DENND1B: variants seen among roughly 807,000 people sequenced by gnomAD.
DENND1B encodes the protein DENN domain containing 1B, also known as DENN domain-containing protein 1B.
In DENND1B, 59 loss-of-function variants were observed where a neutral mutation model predicts 90.1. The observed-to-expected ratio is 0.65, with a 90% CI of 0.53 to 0.81. The LOEUF (loss-of-function observed/expected upper bound fraction) is 0.81, where lower values mean the gene tolerates loss of function less well. Among genes scored for constraint, DENND1B ranks in the 40% least tolerant of loss-of-function variants. The pLI is 0.00. For synonymous variants in DENND1B, 337 were observed against 324.6 expected, an observed-to-expected ratio of 1.04 and a Z score of -0.41; for missense variants, 862 against 912.6, an observed-to-expected ratio of 0.94 and a Z score of 0.71.
chr1:197,614,733 C>G (rs988095971), intron 11 of DENND1B, among the ~76,000 whole-genome samples: 1 of 150,724 alleles, frequency 6.6e-6, no homozygotes, highest in Non-Finnish European at 1.5e-5. Context: ...CTAAAGAATA[C>G]AATTTTCCAT....
rs915587566 is a variant in DENND1B, at chr1:197,736,226, G to A, written c.83-21152C>T. 6 of 415,088 alleles carry A rather than the reference G, an allele frequency of 1.4e-5. No individual in the cohort carries two copies. The Admixed American group carries it at 2.4e-4, about 17-fold the overall frequency. The allele number at this position is 415,088 out of a possible 1,614,324, so 25.7% of individuals were successfully genotyped here. On this transcript the variant is annotated intron_variant, in intron 2 of 22. Coordinates refer to ENST00000620048, the MANE Select transcript of DENND1B (RefSeq NM_001195215.2). ...ATTTCAAGCTCAATTTTAAGCTGCAGATTCCAACTTTTATTGAACTTGAAT... is the reference window on the plus strand; with the variant it reads ...ATTTCAAGCTCAATTTTAAGCTGCAAATTCCAACTTTTATTGAACTTGAAT...
At chr1:197,548,358 T>G (rs1453814502) in intron 16 of DENND1B, among the ~76,000 whole-genome samples, 1 of 152,138 alleles carries the variant, frequency 6.6e-6, no homozygotes, top group African/African-American at 2.4e-5. Flanking sequence ...TCTATCTTTG[T>G]GAAGGATGTG....
chr1:197,662,925 A>G (rs946577042), intron 5 of DENND1B, among the ~76,000 whole-genome samples: 3 of 152,088 alleles, frequency 2.0e-5, no homozygotes, highest in Admixed American at 2.0e-4. Flanking sequence ...AAATTTCCCA[A>G]CAAATAAAGG....
chr1:197,543,381 AAT>A (rs1415171070), intron 18 of DENND1B, among the ~76,000 whole-genome samples: 2 of 152,214 alleles, frequency 1.3e-5, no homozygotes, highest in Non-Finnish European at 2.9e-5. Flanking sequence ...TTTTGTGAAA[AAT>A]ATGAGTGAAA....
At chr1:197,680,022 C>A (rs975966098) in intron 3 of DENND1B, among the ~76,000 whole-genome samples, 1 of 151,888 alleles carries the variant, frequency 6.6e-6, no homozygotes, top group East Asian at 1.9e-4. Flanking sequence ...TGGTGGCATG[C>A]ACCTATAGTC....
At chr1:197,691,684 T>C (rs1657906525) in intron 3 of DENND1B, among the ~76,000 whole-genome samples, 1 of 151,936 alleles carries the variant, frequency 6.6e-6, no homozygotes. Flanking sequence ...TTACTCAGAA[T>C]AGCAAAGATG....
At chr1:197,627,205 G>C (rs778533729) in intron 10 of DENND1B, among the ~76,000 whole-genome samples, 2 of 151,982 alleles carry the variant, frequency 1.3e-5, no homozygotes, top group Admixed American at 6.6e-5. Flanking sequence ...TGATACCAAA[G>C]CCGGGCAGAG....
intron 2 of DENND1B, among the ~76,000 whole-genome samples, chr1:197,763,251 T>C (rs576732681): frequency 2.1e-4 from 32 of 152,346 alleles, no homozygotes; most frequent in Non-Finnish European, 4.3e-4. Context: ...AAGGCTGCAG[T>C]GAGCTATAAT....
intron 2 of DENND1B, among the ~76,000 whole-genome samples, chr1:197,717,972 T>A (rs1325521674): frequency 1.3e-5 from 2 of 152,044 alleles, no homozygotes; most frequent in African/African-American, 4.8e-5. Context: ...TGGAAAAGTA[T>A]AATATACAAT....
At chr1:197,666,707 C>T (rs1654969476) in intron 5 of DENND1B, among the ~76,000 whole-genome samples, 1 of 152,184 alleles carries the variant, frequency 6.6e-6, no homozygotes, top group Admixed American at 6.5e-5. Context: ...CTCTCATATA[C>T]TTCTGGAAGC....
At chr1:197,738,431 A>G (rs1042505075) in intron 2 of DENND1B, among the ~76,000 whole-genome samples, 7 of 152,192 alleles carry the variant, frequency 4.6e-5, no homozygotes, top group African/African-American at 7.2e-5. Context: ...CAATTGGTGA[A>G]TGTGACCTCA....
In DENND1B at chr1:197,564,395, CAAAAAAAAAAAAA is replaced by C. The variant is rs71131780; in HGVS notation, c.1150-11296_1150-11284del. Among the ~76,000 whole-genome samples the C allele has an allele frequency of 9.5e-4, 60 of 63,176 alleles. No individual in the cohort carries two copies. The East Asian group carries it at 0.029, about 31-fold the overall frequency. The allele number at this position is 63,176 out of a possible 152,430, so 41.4% of individuals were successfully genotyped here. On this transcript the variant is annotated intron_variant, in intron 15 of 22. Transcript: ENST00000620048. ...ATACTGAGGCAAGAACCTCCACCAG[CAAAAAAAAAAAAA>C]AAAAAAAAAAAAGATGATTTGTTAA...
At chr1:197,585,707 A>G (rs991980588) in intron 14 of DENND1B, among the ~76,000 whole-genome samples, 1 of 152,240 alleles carries the variant, frequency 6.6e-6, no homozygotes, top group East Asian at 1.9e-4. Flanking sequence ...CAAAGCACTG[A>G]CACATCAGAA....
At chr1:197,721,065 ATTT>A (rs11371047) in intron 2 of DENND1B, among the ~76,000 whole-genome samples, 1 of 98,942 alleles carries the variant, frequency 1.0e-5, no homozygotes, top group Non-Finnish European at 1.9e-5. Flanking sequence ...GAGAAACGGC[ATTT>A]TTTTTTTTTT....
intron 2 of DENND1B, among the ~76,000 whole-genome samples, chr1:197,716,632 T>C (rs763467425): frequency 1.3e-5 from 2 of 151,864 alleles, no homozygotes; most frequent in Non-Finnish European, 2.9e-5. Flanking sequence ...TCATAAAATA[T>C]TAAATGAAAG....
chr1:197,583,231 T>G lies in DENND1B; in HGVS notation c.1070A>C (p.Glu357Ala). The change falls in exon 15 of 23, where the codon GAG becomes GCG. Residue 357 changes from glutamate (E) to alanine (A), a missense_variant. Physicochemically the swap from Glu to Ala is moderately radical, Grantham distance 107. Transcript: ENST00000620048. ...YKPGEPITFC[E>A]ESFVKHRSSV... ...TGAGCGGTGCTTTACAAAACTCTCC[T>G]CACAGAAAGTGATGGGCTCACCCTA... 1.9e-6 allele frequency: 3 copies of G among 1,613,830 alleles called. No homozygotes were observed. The highest frequency in any genetic ancestry group is 2.2e-5 in the South Asian group (2 of 91,074).
intron 20 of DENND1B, among the ~76,000 whole-genome samples, chr1:197,527,734 G>T (rs1669249262): frequency 6.6e-6 from 1 of 152,028 alleles, no homozygotes; most frequent in African/African-American, 2.4e-5. Flanking sequence ...TTTTGTAAAC[G>T]TTTATTTTAC....
chr1:197,714,478 A>G (rs1660437436), intron 3 of DENND1B, among the ~76,000 whole-genome samples: 1 of 152,094 alleles, frequency 6.6e-6, no homozygotes, highest in African/African-American at 2.4e-5. Context: ...TATAACATAA[A>G]ATGCAAATGG....
At chr1:197,701,736 C>T (rs371361282) in intron 3 of DENND1B, among the ~76,000 whole-genome samples, 6 of 152,194 alleles carry the variant, frequency 3.9e-5, no homozygotes, top group East Asian at 1.9e-4. Context: ...AAGTACTCTA[C>T]GAGTAATTTT....
Sources: allele counts gnomAD v4.1 joint callset (sites outside exome capture counted in the v4.1 genomes callset), GRCh38; gene constraint gnomAD v4.1.1; transcripts MANE v1.5; gene names NCBI Gene and HGNC (gene_info 2026-07-23, HGNC 2026-07-21).